CD44: variants seen among roughly 807,000 people sequenced by gnomAD.
CD44 encodes the protein CD44 molecule (IN blood group).
Under a neutral mutation model 88.8 loss-of-function variants are expected in CD44, and 49 were observed. That is an observed-to-expected ratio of 0.55 (90% CI 0.44 to 0.70). CD44 has a LOEUF of 0.70. Among genes scored for constraint, CD44 ranks in the 30% least tolerant of loss-of-function variants. The probability of loss-of-function intolerance (pLI) is 0.00; values close to 1 mark genes in which losing one functional copy is unlikely to be tolerated. For missense variants in CD44, 883 were observed against 913.8 expected (o/e 0.97, Z 0.43); for synonymous variants, 325 against 312.3 (o/e 1.04, Z -0.43).
chr11:35,170,750 T>C (rs1050525709), intron 1 of CD44, among the ~76,000 whole-genome samples: 1 of 152,214 alleles, frequency 6.6e-6, no homozygotes, highest in African/African-American at 2.4e-5. Context: ...GGATCCTGAA[T>C]CACAGAGTTC....
At chr11:35,141,866 G>T (rs974307399) in intron 1 of CD44, among the ~76,000 whole-genome samples, 1 of 152,190 alleles carries the variant, frequency 6.6e-6, no homozygotes. Flanking sequence ...GTGGCGAAGG[G>T]GAGAAGGAGG....
At chr11:35,213,406 A>T (rs1948563415) in intron 14 of CD44, among the ~76,000 whole-genome samples, 1 of 152,152 alleles carries the variant, frequency 6.6e-6, no homozygotes, top group Non-Finnish European at 1.5e-5. Flanking sequence ...TTAAGAACTA[A>T]AGCATTTGTT....
At chr11:35,162,857 T>C (rs1357204988) in intron 1 of CD44, among the ~76,000 whole-genome samples, 2 of 152,036 alleles carry the variant, frequency 1.3e-5, no homozygotes, top group Admixed American at 6.6e-5. Flanking sequence ...CTTATGTGCA[T>C]GCTCTTGTGC....
chr11:35,169,200 A>G (rs547532407), intron 1 of CD44, among the ~76,000 whole-genome samples: 2 of 152,260 alleles, frequency 1.3e-5, no homozygotes, highest in African/African-American at 4.8e-5. Context: ...TTTGCCTACC[A>G]TGGGAGGCTG....
chr11:35,147,616 C>CT (rs34823633), intron 1 of CD44, among the ~76,000 whole-genome samples: 33,410 of 147,078 alleles, frequency 0.23, 4,232 homozygotes, highest in African/African-American at 0.34. Context: ...CTTCCCCCAA[C>CT]TTTTTTTTTT....
At position 35,186,884 on chromosome 11, in the gene CD44, T is replaced by C. The variant is rs1945734677; in HGVS notation, c.420T>C (p.Asp140=). 5 of 1,597,402 alleles carry C rather than the reference T, an allele frequency of 3.1e-6. No homozygotes were observed. The highest frequency in any genetic ancestry group is 4.3e-6 in the Non-Finnish European group (5 of 1,164,750). Residue 140 remains aspartate (D), a synonymous_variant, in exon 4 of 18, where the codon GAT becomes GAC. Coordinates refer to ENST00000428726, the MANE Select transcript of CD44 (RefSeq NM_000610.4). The stretch of plus-strand genomic sequence containing the variant: ...TCACAGACCTGCCCAATGCCTTTGA[T>C]GGACCAATTACCATAAGTATGTCTC... The part of the protein sequence containing the change: ...TSVTDLPNAF[D]GPITITIVNR...
rs1333276432 is a variant in CD44, at chr11:35,208,176, G to A, written c.1486G>A (p.Asp496Asn). 3.7e-6 allele frequency: 6 copies of A among 1,612,394 alleles called. No homozygotes were observed. Among genetic ancestry groups the A allele is most frequent in the African/African-American group, 1.3e-5 (1 of 74,842 alleles). ...AAACACAGGTTTGGTGGAAGATTTG[G>A]ACAGGACAGGACCTCTTTCAATGAC... ...NPNTGLVEDL[D>N]RTGPLSMTTQ... The change falls in exon 12 of 18, where the codon GAC (aspartate) becomes AAC (asparagine). Residue 496 changes from aspartate to asparagine, a missense_variant. Physicochemically the swap from Asp to Asn is conservative, Grantham distance 23. Around this residue, in one of 2 missense-constraint regions of CD44, gnomAD observed 631 missense variants for 590.9 expected, o/e 1.07. Coordinates refer to ENST00000428726, the MANE Select transcript of CD44 (RefSeq NM_000610.4).
chr11:35,176,850 G>A (rs1565069442), intron 2 of CD44, 110 bp downstream of exon 2: 1 of 1,031,120 alleles, frequency 9.7e-7, no homozygotes, highest in East Asian at 2.5e-5. Flanking sequence ...ATTGCCTAAG[G>A]AGTCAACCCC....
In CD44 at chr11:35,229,353, G is replaced by A. The variant is rs768725955; in HGVS notation, c.*20G>A. ...GTGTAACACCTACACCATTATCTTG[G>A]AAAGAAACAACCGTTGGAAACATAA... On this transcript the variant is annotated 3_prime_UTR_variant, in exon 18 of 18. Transcript: ENST00000428726. 3 of 1,515,784 alleles carry A rather than the reference G, an allele frequency of 2.0e-6. No homozygotes were observed. Among genetic ancestry groups the A allele is most frequent in the Non-Finnish European group, 2.7e-6 (3 of 1,092,752 alleles). The allele number at this position is 1,515,784 out of a possible 1,614,324, so 93.9% of individuals were successfully genotyped here.
In CD44 at chr11:35,214,899, G is replaced by T; in HGVS notation, c.1858G>T (p.Gly620Ter). 1 of 1,558,278 alleles carries T rather than the reference G, an allele frequency of 6.4e-7. No individual in the cohort carries two copies. Among genetic ancestry groups the T allele is most frequent in the Non-Finnish European group, 8.7e-7 (1 of 1,152,718 alleles). Residue 620 changes from glycine (G) to a stop codon, truncating the protein, a stop_gained, in exon 15 of 18, where the codon GGA (glycine) becomes TGA (stop). Coordinates refer to ENST00000428726, the MANE Select transcript of CD44 (RefSeq NM_000610.4). LOFTEE classifies it high-confidence loss of function. ...CAGTGGGGGGTCCCATACCACTCAT[G>T]GATCTGAATCAGATGGTGAGTTCAA... ...HPSGGSHTTHGSESDGHSHGS... is the reference protein window; with the variant it reads ...HPSGGSHTTH
intron 12 of CD44, among the ~76,000 whole-genome samples, chr11:35,208,826 G>C (rs887695243): frequency 2.0e-5 from 3 of 152,286 alleles, no homozygotes; most frequent in Admixed American, 2.0e-4. Flanking sequence ...TCAGCCTAAA[G>C]TCGTTCATAA....
At chr11:35,148,461 A>T (rs1859652694) in intron 1 of CD44, among the ~76,000 whole-genome samples, 1 of 152,192 alleles carries the variant, frequency 6.6e-6, no homozygotes, top group Non-Finnish European at 1.5e-5. Flanking sequence ...TTTGCAGTGG[A>T]TCCTCTGCAG....
chr11:35,183,475 G>T (rs532689104), intron 3 of CD44, among the ~76,000 whole-genome samples: 1 of 152,328 alleles, frequency 6.6e-6, no homozygotes, highest in Non-Finnish European at 1.5e-5. Flanking sequence ...CCTATGCAAA[G>T]ATTTCATTGC....
At chr11:35,184,893 G>T (rs533294316) in intron 3 of CD44, among the ~76,000 whole-genome samples, 1 of 152,158 alleles carries the variant, frequency 6.6e-6, no homozygotes, top group Non-Finnish European at 1.5e-5. Flanking sequence ...TTTACTGGAA[G>T]AATAGACCCT....
chr11:35,155,836 T>G (rs923210069), intron 1 of CD44, among the ~76,000 whole-genome samples: 5 of 152,000 alleles, frequency 3.3e-5, no homozygotes, highest in Admixed American at 3.3e-4. Flanking sequence ...CCGTCTTCCC[T>G]TTTCTACTGC....
rs1427841260 is a variant in CD44 at position 35,139,296 on chromosome 11, C to G, written c.-8C>G. ...TTTCGCCCGCGCCCTCCGTTCGCTC[C>G]GGACACCATGGACAAGTTTTGGTGG... On this transcript the variant is annotated 5_prime_UTR_variant, in exon 1 of 18. Transcript: ENST00000428726. 6.4e-7 allele frequency: 1 copy of G among 1,557,722 alleles called. No homozygotes were observed. The highest frequency in any genetic ancestry group is 8.7e-7 in the Non-Finnish European group (1 of 1,150,210).
intron 6 of CD44, chr11:35,197,114 A>G (rs755709386): frequency 1.3e-4 from 44 of 340,714 alleles, no homozygotes; most frequent in Non-Finnish European, 2.0e-4. Flanking sequence ...TACAGAGACT[A>G]TGAAACGGGA....
At chr11:35,181,905 T>TATTATATATTATAGATTATATATA (rs1291148360) in intron 3 of CD44, among the ~76,000 whole-genome samples, 1 of 66,106 alleles carries the variant, frequency 1.5e-5, no homozygotes, top group Non-Finnish European at 2.6e-5. Flanking sequence ...ATATAATATA[T>TATTATATATTATAGATTATATATA]AATATATATT....
At position 35,178,716 on chromosome 11, in the gene CD44, C is replaced by G. The variant is rs572860128; in HGVS notation, c.234-1558C>G. 2.0e-5 allele frequency among the ~76,000 whole-genome samples: 3 copies of G among 152,208 alleles called. No homozygotes were observed. The South Asian group carries it at 6.2e-4, about 32-fold the overall frequency. ...TCAGTAATAGCTTACAAAGAGAATGCAATAGATTCTAGAATGTTGGTGTTA... is the reference window on the plus strand; with the variant it reads ...TCAGTAATAGCTTACAAAGAGAATGGAATAGATTCTAGAATGTTGGTGTTA... On this transcript the variant is annotated intron_variant, in intron 2 of 17. Transcript: ENST00000428726.
Sources: gnomAD v4.1 joint callset for allele counts (sites outside exome capture counted in the v4.1 genomes callset) on GRCh38, gnomAD v4.1.1 for gene constraint, gnomAD v4.1.1 regional missense constraint, MANE v1.5 for transcripts, NCBI Gene and HGNC (gene_info 2026-07-23, HGNC 2026-07-21) for gene names.